GAPVD1: variants seen among roughly 807,000 people sequenced by gnomAD.
The protein encoded by GAPVD1 is GTPase activating protein and VPS9 domains 1.
Under a neutral mutation model 155.5 loss-of-function variants are expected in GAPVD1, and 35 were observed. The ratio of observed to expected loss-of-function variants is 0.23; its 90% CI spans 0.17 to 0.30. GAPVD1 has a LOEUF of 0.30. Ranked by LOEUF, GAPVD1 falls within the 10% of genes least tolerant of loss-of-function variation. The pLI, the probability that GAPVD1 is intolerant of heterozygous loss-of-function variation, is 1.00. For synonymous variants in GAPVD1, 636 were observed against 619.7 expected, an observed-to-expected ratio of 1.03 and a Z score of -0.39; for missense variants, 1,429 against 1,775.7, an observed-to-expected ratio of 0.80 and a Z score of 3.51.
chr9:125,356,267 A>G (rs1850065188), intron 25 of GAPVD1, among the ~76,000 whole-genome samples: 1 of 152,120 alleles, frequency 6.6e-6, no homozygotes, highest in Admixed American at 6.5e-5. Context: ...CACAGTTGCC[A>G]TTTGACATCT....
In GAPVD1 at chr9:125,332,047, C is replaced by T; in HGVS notation, c.2295C>T (p.Leu765=). The change falls in exon 14 of 28, where the codon CTC becomes CTT. Residue 765 remains leucine, a synonymous_variant. Coordinates refer to ENST00000297933, the MANE Select transcript of GAPVD1 (RefSeq NM_001282680.3). The stretch of plus-strand genomic sequence containing the variant: ...GTTCCCGCCCCAGCACACCAGGCCT[C>T]AGTGTTGTGTCCGGTATGTCTGTCT... ...EVSSRPSTPG[L]SVVSGISATS... 6.2e-7 allele frequency: 1 copy of T among 1,614,092 alleles called. No individual in the cohort carries two copies. The highest frequency in any genetic ancestry group is 8.5e-7 in the Non-Finnish European group (1 of 1,179,964).
chr9:125,299,126 G>A lies in GAPVD1; in HGVS notation c.185+20G>A, dbSNP rs1840359547. 2.1e-6 allele frequency: 3 copies of A among 1,435,532 alleles called. No individual in the cohort carries two copies. Among genetic ancestry groups the A allele is most frequent in the Non-Finnish European group, 2.8e-6 (3 of 1,052,994 alleles). 88.9% of individuals were successfully genotyped at this position (1,435,532 alleles called of 1,614,324 possible). ...AACCAGGTAAAGAGATGATTTTCAG[G>A]TTTTAAGTTTTGTGAACCACTATGA... On this transcript the variant is annotated intron_variant, in intron 4 of 27. Transcript: ENST00000297933.
chr9:125,342,150 G>T, intron 18 of GAPVD1, 69 bp from the exon 19 acceptor site: 1 of 749,836 alleles, frequency 1.3e-6, no homozygotes, highest in Non-Finnish European at 2.3e-6. Context: ...AGAAATGTTG[G>T]CACACCAGTT....
chr9:125,350,635 C>A, intron 22 of GAPVD1, 78 bp from the exon 23 acceptor site: 1 of 853,798 alleles, frequency 1.2e-6, no homozygotes, highest in Non-Finnish European at 1.9e-6. Context: ...GCAGAATTGA[C>A]GTCCCAAATG....
chr9:125,339,624 C>A (rs1206358670), intron 17 of GAPVD1, among the ~76,000 whole-genome samples: 1 of 152,208 alleles, frequency 6.6e-6, no homozygotes, highest in Non-Finnish European at 1.5e-5. Flanking sequence ...GTGTGTGTTA[C>A]ACACACATTT....
Position 125,302,428 on chromosome 9 carries a change from G to C in GAPVD1, c.631G>C (p.Asp211His), listed in dbSNP as rs1841048375. The part of the protein sequence containing the change: ...HEPIMQLLVE[D>H]EDHLETDPNK... The stretch of plus-strand genomic sequence containing the variant: ...GCCAATTATGCAACTGCTTGTTGAA[G>C]ATGAAGATCACCTGGAAACAGATCC... The change falls in exon 5 of 28, where the codon GAT becomes CAT. Residue 211 changes from aspartate to histidine, a missense_variant. By Grantham distance (81) the Asp-to-His change is moderately conservative (BLOSUM62 -1). Transcript: ENST00000297933. The C allele has an allele frequency of 2.5e-6, 4 of 1,613,628 alleles. No homozygotes were observed. Among genetic ancestry groups the C allele is most frequent in the African/African-American group, 1.3e-5 (1 of 74,898 alleles).
In GAPVD1 at chr9:125,359,449, C is replaced by G; in HGVS notation, c.4001C>G (p.Ser1334Cys). 3.8e-6 allele frequency: 6 copies of G among 1,595,976 alleles called. No homozygotes were observed. Among genetic ancestry groups the G allele is most frequent in the Non-Finnish European group, 5.2e-6 (6 of 1,164,124 alleles). Residue 1334 changes from serine to cysteine, a missense_variant, in exon 26 of 28, where the codon TCT becomes TGT. Physicochemically the swap from Ser to Cys is moderately radical, Grantham distance 112. Around this residue, in one of 4 missense-constraint regions of GAPVD1, gnomAD observed 102 missense variants for 196.5 expected, o/e 0.52. Coordinates refer to ENST00000297933, the MANE Select transcript of GAPVD1 (RefSeq NM_001282680.3). ...QVLHEHIQRL[S>C]KVVTANHRAL... ...CTTCATGAACATATCCAGAGATTGT[C>G]TAAAGTAGTGACTGCAAATCACAGA...
Position 125,326,505 on chromosome 9 carries a change from A to C in GAPVD1, c.1948A>C (p.Thr650Pro). The change falls in exon 12 of 28, where the codon ACA becomes CCA. Residue 650 changes from threonine (T) to proline (P), a missense_variant. Thr to Pro is a conservative substitution (Grantham distance 38, BLOSUM62 -1). Transcript: ENST00000297933. ...GLTDDRDISE[T>P]VSETWSTDVL... ...AACAGATGATAGGGACATATCAGAA[A>C]CAGTGAGTGAGACCTGGAGTACAGA... 6.2e-7 allele frequency: 1 copy of C among 1,609,258 alleles called. No individual in the cohort carries two copies.
chr9:125,316,791 G>T (rs1422346183), intron 9 of GAPVD1, among the ~76,000 whole-genome samples: 1 of 152,104 alleles, frequency 6.6e-6, no homozygotes, highest in Non-Finnish European at 1.5e-5. Context: ...GGTATTTCTG[G>T]TTCTAGATCC....
At chr9:125,286,014 C>T (rs931114786) in intron 2 of GAPVD1, among the ~76,000 whole-genome samples, 1 of 151,348 alleles carries the variant, frequency 6.6e-6, no homozygotes, top group Non-Finnish European at 1.5e-5. Flanking sequence ...TGCCATGTTT[C>T]CCAGGCTGGT....
chr9:125,331,391 G>C (rs1846055155), intron 13 of GAPVD1, among the ~76,000 whole-genome samples: 1 of 151,948 alleles, frequency 6.6e-6, no homozygotes. Context: ...AGTAGAGATG[G>C]GATTTCACCG....
chr9:125,328,183 G>C (rs539514382), intron 12 of GAPVD1, among the ~76,000 whole-genome samples: 1 of 144,796 alleles, frequency 6.9e-6, no homozygotes, highest in Admixed American at 6.9e-5. Flanking sequence ...AGTGCAAATA[G>C]ATTTCTTTTT....
chr9:125,300,091 A>ATATG (rs1840624188), intron 4 of GAPVD1, among the ~76,000 whole-genome samples: 1 of 100,316 alleles, frequency 1.0e-5, no homozygotes, highest in Non-Finnish European at 1.9e-5. Flanking sequence ...ATATATATAT[A>ATATG]TATGTATTTC....
At chr9:125,318,143 C>T (rs1468407184) in intron 9 of GAPVD1, among the ~76,000 whole-genome samples, 1 of 152,188 alleles carries the variant, frequency 6.6e-6, no homozygotes, top group Non-Finnish European at 1.5e-5. Context: ...TGCCACTATG[C>T]CCAGCTAATT....
At chr9:125,319,181 T>TATAATA (rs201922569) in intron 9 of GAPVD1, among the ~76,000 whole-genome samples, 4 of 139,316 alleles carry the variant, frequency 2.9e-5, no homozygotes, top group East Asian at 2.1e-4. Flanking sequence ...GTCTCAAAAA[T>TATAATA]ATAATAATAA....
At chr9:125,317,031 C>T (rs1843521706) in intron 9 of GAPVD1, among the ~76,000 whole-genome samples, 1 of 152,018 alleles carries the variant, frequency 6.6e-6, no homozygotes, top group Admixed American at 6.6e-5. Context: ...AGAAAATGTC[C>T]TTGATGGGCC....
chr9:125,302,102 G>A lies in GAPVD1; in HGVS notation c.305G>A (p.Arg102Gln), dbSNP rs1000217072. Residue 102 changes from arginine to glutamine, a missense_variant, in exon 5 of 28, where the codon CGA becomes CAA. This residue lies in a region of GAPVD1 where 628 missense variants were observed against 733.4 expected (regional missense o/e 0.86). Coordinates refer to ENST00000297933, the MANE Select transcript of GAPVD1 (RefSeq NM_001282680.3). ...QETAYGEFLSRLRENPRLIAS... is the reference protein window; with the variant it reads ...QETAYGEFLSQLRENPRLIAS... The stretch of plus-strand genomic sequence containing the variant: ...ACTGCTTATGGAGAATTCTTGAGTC[G>A]ATTGAGGGAAAATCCTCGTCTTATT... 14 of 1,613,524 alleles carry A rather than the reference G, an allele frequency of 8.7e-6. No individual in the cohort carries two copies. Among genetic ancestry groups the A allele is most frequent in the African/African-American group, 4.0e-5 (3 of 74,768 alleles).
intron 27 of GAPVD1, among the ~76,000 whole-genome samples, chr9:125,362,167 C>T (rs986630203): frequency 6.6e-6 from 1 of 152,190 alleles, no homozygotes; most frequent in African/African-American, 2.4e-5. Flanking sequence ...AGGAGATGTC[C>T]TCTGTTACCT....
rs1177292743 is a variant in GAPVD1 at position 125,299,184 on chromosome 9, G to C, written c.185+78G>C. The stretch of plus-strand genomic sequence containing the variant: ...AATAAATTAGTAACTATAAATAAAT[G>C]AATCTGTTTCCAACAAAGTGCATTA... On this transcript the variant is annotated intron_variant, in intron 4 of 27. Transcript: ENST00000297933. 4 of 731,438 alleles carry C rather than the reference G, an allele frequency of 5.5e-6. No individual in the cohort carries two copies. The South Asian group carries it at 9.3e-5, about 17-fold the overall frequency. 45.3% of individuals were successfully genotyped at this position (731,438 alleles called of 1,614,324 possible). A position where few individuals can be genotyped will look rare whatever the true frequency, so the allele number is the denominator to read the frequency against.
Sources: allele counts gnomAD v4.1 joint callset (sites outside exome capture counted in the v4.1 genomes callset), GRCh38; gene constraint gnomAD v4.1.1; regional missense constraint gnomAD v4.1.1; transcripts MANE v1.5; gene names NCBI Gene and HGNC (gene_info 2026-07-23, HGNC 2026-07-21).